CREBBP: variants seen among roughly 807,000 people sequenced by gnomAD.
CREBBP encodes the protein CREB binding lysine acetyltransferase, also known as CREB-binding protein.
Under a neutral mutation model 265.0 loss-of-function variants are expected in CREBBP, and 19 were observed. The observed-to-expected ratio is 0.07, with a 90% CI of 0.05 to 0.11. The LOEUF is 0.11. Among genes scored for constraint, CREBBP ranks in the 10% least tolerant of loss-of-function variants. CREBBP has a pLI of 1.00. For synonymous variants in CREBBP, 1,457 were observed against 1,223.7 expected (o/e 1.19, Z -3.98); for missense variants, 2,525 against 3,219.0 (o/e 0.78, Z 5.22).
chr16:3,832,674 A>G (rs1317934574), intron 2 of CREBBP, among the ~76,000 whole-genome samples: 1 of 152,246 alleles, frequency 6.6e-6, no homozygotes, highest in African/African-American at 2.4e-5. Context: ...CACAGTAAAA[A>G]TATATTATAG....
chr16:3,818,348 C>T (rs555655244), intron 2 of CREBBP, among the ~76,000 whole-genome samples: 20 of 136,016 alleles, frequency 1.5e-4, no homozygotes, highest in Non-Finnish European at 2.9e-4. Context: ...ACTCTTGTTG[C>T]CCAGGCTGGA....
chr16:3,822,489 G>T (rs1401701533), intron 2 of CREBBP, among the ~76,000 whole-genome samples: 2 of 152,138 alleles, frequency 1.3e-5, no homozygotes, highest in African/African-American at 4.8e-5. Context: ...ACTAATTCTT[G>T]AACTGGGCAG....
intron 2 of CREBBP, chr16:3,840,751 C>G (rs2054550197): frequency 6.4e-6 from 1 of 155,078 alleles, no homozygotes; most frequent in Non-Finnish European, 1.4e-5. Flanking sequence ...TCAGGGAAAT[C>G]AGAGATGACT....
At chr16:3,862,152 T>G (rs973390112) in intron 1 of CREBBP, among the ~76,000 whole-genome samples, 1 of 152,162 alleles carries the variant, frequency 6.6e-6, no homozygotes, top group Non-Finnish European at 1.5e-5. Context: ...TTAACACGTA[T>G]GTCATATTTT....
intron 1 of CREBBP, among the ~76,000 whole-genome samples, chr16:3,861,192 G>GAA: frequency 6.6e-6 from 1 of 152,258 alleles, no homozygotes; most frequent in Admixed American, 6.5e-5. Context: ...TGAGGCAGGA[G>GAA]AATCACTGGG....
chr16:3,731,189 T>C lies in CREBBP; in HGVS notation c.5172+3A>G, dbSNP rs1481975642. 1.9e-6 allele frequency: 3 copies of C among 1,609,296 alleles called. No individual in the cohort carries two copies. The highest frequency in any genetic ancestry group is 1.7e-5 in the Admixed American group (1 of 59,952). On this transcript the variant is annotated splice_donor_region_variant and intron_variant, in intron 30 of 30. Transcript: ENST00000262367. This position sits in a 1 kb window ranked among gnomAD's most constrained non-coding sequence, Gnocchi z 7.7. ...TGGGGGTGGGGGTGGGGGCAGGGCC[T>C]ACCTCGCACACAGTGCAGTGCCAGC...
chr16:3,850,305 T>C lies in CREBBP; in HGVS notation c.790A>G (p.Met264Val), dbSNP rs2054801982. 4 of 1,614,234 alleles carry C rather than the reference T, an allele frequency of 2.5e-6. No individual in the cohort carries two copies. The highest frequency in any genetic ancestry group is 1.6e-4 in the Middle Eastern group (1 of 6,062). Residue 264 changes from methionine to valine, a missense_variant, in exon 2 of 31, where the codon ATG becomes GTG. Met to Val is a conservative substitution (Grantham distance 21, BLOSUM62 1). Transcript: ENST00000262367. ...TGCTTCAGTTCACTTACCTTGGCCA[T>C]GCCTCCTGCCTGTGCGGTGTTCAGT... ...AGLNTAQAGG[M>V]AKMGITGNTS... is the part of the protein sequence containing the mutation.
chr16:3,809,981 C>T (rs1401006899), intron 3 of CREBBP, among the ~76,000 whole-genome samples: 12 of 151,870 alleles, frequency 7.9e-5, no homozygotes, highest in African/African-American at 2.9e-4. Flanking sequence ...ACGCACTACC[C>T]CTCAGTGTTT....
intron 26 of CREBBP, among the ~76,000 whole-genome samples, chr16:3,737,184 A>C (rs1021591657): frequency 6.6e-6 from 1 of 152,192 alleles, no homozygotes; most frequent in Non-Finnish European, 1.5e-5. Context: ...CCAAGGGTCA[A>C]TGTCAACATA....
At chr16:3,872,639 G>A (rs955176145) in intron 1 of CREBBP, among the ~76,000 whole-genome samples, 2 of 152,246 alleles carry the variant, frequency 1.3e-5, no homozygotes, top group African/African-American at 4.8e-5. Flanking sequence ...TAAAGGGAAC[G>A]CTGAGCGCAT....
chr16:3,747,467 C>G (rs951768376), intron 21 of CREBBP, among the ~76,000 whole-genome samples: 1 of 152,140 alleles, frequency 6.6e-6, no homozygotes, highest in Admixed American at 6.6e-5. Context: ...GGAAACCAGG[C>G]GCAACTGTGG....
At chr16:3,877,285 A>C (rs1421694524) in intron 1 of CREBBP, among the ~76,000 whole-genome samples, 1 of 152,232 alleles carries the variant, frequency 6.6e-6, no homozygotes, top group Non-Finnish European at 1.5e-5. Context: ...AAATGCCTTC[A>C]GTTTTTGAAT....
At chr16:3,765,378 G>A (rs561430026) in intron 16 of CREBBP, among the ~76,000 whole-genome samples, 44 of 152,348 alleles carry the variant, frequency 2.9e-4, no homozygotes, top group African/African-American at 1.0e-3. Context: ...ACATCAGGAG[G>A]CAGTACTTGG....
intron 1 of CREBBP, among the ~76,000 whole-genome samples, chr16:3,863,104 G>T (rs762310149): frequency 6.6e-6 from 1 of 152,162 alleles, no homozygotes; most frequent in Admixed American, 6.5e-5. Flanking sequence ...AATCAGAAGG[G>T]AAATACTGAT....
rs2141232936 is a variant in CREBBP, at chr16:3,778,043, A to G, written c.2081T>C (p.Val694Ala). The change falls in exon 10 of 31, where the codon GTG becomes GCG. Residue 694 changes from valine to alanine, a missense_variant. By Grantham distance (64) the Val-to-Ala change is moderately conservative. This residue lies in a region of CREBBP where 548 missense variants were observed against 533.0 expected (regional missense o/e 1.03). Coordinates refer to ENST00000262367, the MANE Select transcript of CREBBP (RefSeq NM_004380.3). ...ALPAPGAQPP[V>A]IPQAQPVRPP... ...TCTCACAGGTTGTGCCTGTGGAATC[A>G]CAGGGGGCTGAGCCCCCGGGGCTGG... 1 of 1,614,204 alleles carries G rather than the reference A, an allele frequency of 6.2e-7. No homozygotes were observed. The highest frequency in any genetic ancestry group is 1.1e-5 in the South Asian group (1 of 91,092).
chr16:3,846,745 G>T (rs926031797), intron 2 of CREBBP, among the ~76,000 whole-genome samples: 1 of 152,142 alleles, frequency 6.6e-6, no homozygotes, highest in African/African-American at 2.4e-5. Flanking sequence ...TACTCTTTAT[G>T]TCTGGGGAGA....
rs532634685 is a variant in CREBBP at position 3,729,575 on chromosome 16, G to C, written c.5472C>G (p.Ala1824=). ...GGCPVCKQLI[A]LCCYHAKHCQ... is the part of the protein sequence containing the mutation. ...AGTGCTTGGCGTGGTAGCAGCAGAG[G>C]GCGATGAGCTGCTTGCACACCGGGC... is the stretch of plus-strand genomic sequence containing the variant. Residue 1824 remains alanine (A), a synonymous_variant, in exon 31 of 31, where the codon GCC becomes GCG. Coordinates refer to ENST00000262367, the MANE Select transcript of CREBBP (RefSeq NM_004380.3). The C allele has an allele frequency of 3.7e-6, 6 of 1,614,186 alleles. No individual in the cohort carries two copies. Among genetic ancestry groups the C allele is most frequent in the Non-Finnish European group, 4.2e-6 (5 of 1,180,018 alleles).
rs1352541284 is a variant in CREBBP, at chr16:3,793,630, A to C, written c.976-4T>G. The C allele has an allele frequency of 1.8e-5, 29 of 1,612,074 alleles. No individual in the cohort carries two copies. Among genetic ancestry groups the C allele is most frequent in the Non-Finnish European group, 2.3e-5 (27 of 1,179,838 alleles). On this transcript the variant is annotated splice_polypyrimidine_tract_variant and splice_region_variant and intron_variant, in intron 3 of 30. Coordinates refer to ENST00000262367, the MANE Select transcript of CREBBP (RefSeq NM_004380.3). ...CCACTGATGTTTGCATCTGAGACTA[A>C]AATAAAGCAAAATAATAAAAATACT... is the stretch of plus-strand genomic sequence containing the variant.
chr16:3,810,802 T>G, intron 2 of CREBBP, 23 bp from the exon 3 acceptor site: 1 of 1,612,776 alleles, frequency 6.2e-7, no homozygotes, highest in Non-Finnish European at 8.5e-7. Context: ...AGAGGTAACA[T>G]CAGCTGTGGT....
Sources: gnomAD v4.1 joint callset for allele counts (sites outside exome capture counted in the v4.1 genomes callset) on GRCh38, gnomAD v4.1.1 for gene constraint, gnomAD v4.1.1 regional missense constraint, Gnocchi (gnomAD v3.1) non-coding constraint, MANE v1.5 for transcripts, NCBI Gene and HGNC (gene_info 2026-07-23, HGNC 2026-07-21) for gene names.